Variants in PLD5 observed in about 807,000 individuals in gnomAD.
PLD5 encodes inactive phospholipase D5.
In PLD5, 36 loss-of-function variants were observed where a neutral mutation model predicts 61.1. That is an observed-to-expected ratio of 0.59 (90% CI 0.45 to 0.78). PLD5 has a LOEUF of 0.78. Ranked by LOEUF, PLD5 falls within the 30% of genes least tolerant of loss-of-function variation. The pLI is 0.00. For missense variants in PLD5, 515 were observed against 644.4 expected (o/e 0.80, Z 2.17); for synonymous variants, 243 against 242.8 (o/e 1.00, Z -0.01).
chr1:242,215,970 G>T (rs1423746033), intron 5 of PLD5, among the ~76,000 whole-genome samples: 1 of 152,104 alleles, frequency 6.6e-6, no homozygotes, highest in Non-Finnish European at 1.5e-5. Context: ...AATCTGCCCT[G>T]TTATCTGGGC....
At chr1:242,515,347 G>A (rs537219685) in intron 1 of PLD5, among the ~76,000 whole-genome samples, 3 of 152,246 alleles carry the variant, frequency 2.0e-5, no homozygotes, top group South Asian at 2.1e-4. Flanking sequence ...CAACTAGCTC[G>A]GATTACAGGC....
intron 2 of PLD5, among the ~76,000 whole-genome samples, chr1:242,332,889 G>C (rs569542408): frequency 8.5e-4 from 130 of 152,292 alleles, no homozygotes; most frequent in Admixed American, 1.8e-3. Flanking sequence ...TACTATATCA[G>C]AGGTCAGCTC....
chr1:242,484,249 C>CA (rs1268332084), intron 1 of PLD5, among the ~76,000 whole-genome samples: 22 of 152,122 alleles, frequency 1.4e-4, no homozygotes, highest in African/African-American at 5.3e-4. Flanking sequence ...AAAAACCCTT[C>CA]AAAAAATCAA....
At chr1:242,219,189 A>AC (rs937655371) in intron 5 of PLD5, among the ~76,000 whole-genome samples, 9 of 152,348 alleles carry the variant, frequency 5.9e-5, no homozygotes, top group African/African-American at 2.2e-4. Context: ...ACTGAGGTAG[A>AC]CCAAGAAAAA....
intron 2 of PLD5, among the ~76,000 whole-genome samples, chr1:242,345,121 G>T (rs1408446535): frequency 6.6e-6 from 1 of 152,152 alleles, no homozygotes; most frequent in African/African-American, 2.4e-5. Context: ...TACAAGTTGA[G>T]ATTTGAATGG....
intron 3 of PLD5, among the ~76,000 whole-genome samples, chr1:242,282,231 G>A (rs1178130049): frequency 6.6e-6 from 1 of 152,148 alleles, no homozygotes; most frequent in Non-Finnish European, 1.5e-5. Flanking sequence ...TATGAGGCAG[G>A]TTCTGTTATC....
chr1:242,433,644 G>T (rs1665841370), intron 1 of PLD5, among the ~76,000 whole-genome samples: 1 of 152,176 alleles, frequency 6.6e-6, no homozygotes, highest in Non-Finnish European at 1.5e-5. Context: ...AGAAGCTAAT[G>T]CTTAGTAGAG....
intron 1 of PLD5, among the ~76,000 whole-genome samples, chr1:242,409,625 G>A (rs1244241190): frequency 6.6e-6 from 1 of 152,164 alleles, no homozygotes; most frequent in Non-Finnish European, 1.5e-5. Flanking sequence ...GGGAAGGACA[G>A]GGGGCTCCAA....
intron 5 of PLD5, among the ~76,000 whole-genome samples, chr1:242,186,151 G>T (rs1667862515): frequency 6.7e-6 from 1 of 149,006 alleles, no homozygotes; most frequent in Admixed American, 6.8e-5. Context: ...TCTGAATTCT[G>T]TAAGGAATGA....
chr1:242,479,909 G>A (rs1454329032), intron 1 of PLD5, among the ~76,000 whole-genome samples: 2 of 151,870 alleles, frequency 1.3e-5, no homozygotes, highest in Admixed American at 6.6e-5. Flanking sequence ...AAATTCACCA[G>A]GCATGTTGGT....
intron 5 of PLD5, chr1:242,147,521 T>A (rs1664624509): frequency 6.6e-6 from 1 of 152,190 alleles, no homozygotes; most frequent in Admixed American, 6.5e-5. Flanking sequence ...TTCACTTGAG[T>A]AAATGCAAAG....
chr1:242,151,450 GT>G (rs1034867634), intron 5 of PLD5, among the ~76,000 whole-genome samples: 2 of 151,906 alleles, frequency 1.3e-5, no homozygotes, highest in Non-Finnish European at 2.9e-5. Context: ...TGGACACGGA[GT>G]TTTTTCCCCC....
At chr1:242,419,372 C>T (rs1228781724) in intron 1 of PLD5, among the ~76,000 whole-genome samples, 1 of 149,254 alleles carries the variant, frequency 6.7e-6, no homozygotes, top group Non-Finnish European at 1.5e-5. Flanking sequence ...AAGCTGAGTG[C>T]AGTCCTGATT....
At position 242,524,391 on chromosome 1, in the gene PLD5, T is replaced by TGAGCTGGAG; in HGVS notation, c.-124_-116dup. 8.5e-6 allele frequency: 9 copies of TGAGCTGGAG among 1,056,652 alleles called. No individual in the cohort carries two copies. Among genetic ancestry groups the TGAGCTGGAG allele is most frequent in the Admixed American group, 4.3e-5 (1 of 23,508 alleles). The allele number at this position is 1,056,652 out of a possible 1,614,324, so 65.5% of individuals were successfully genotyped here. Reference sequence around the variant, plus strand: ...GGGAGCCGGAGGTGGAGCTGGAGACTGAGCTGGAGGAGCTGGAGGAGCGAG... The same window carrying TGAGCTGGAG: ...GGGAGCCGGAGGTGGAGCTGGAGACTGAGCTGGAGGAGCTGGAGGAGCTGGAGGAGCGAG... On this transcript the variant is annotated 5_prime_UTR_variant, in exon 1 of 10. Transcript: ENST00000536534.
rs71650683 is a variant in PLD5 at position 242,282,640 on chromosome 1, G to T, written c.495+5722C>A. On this transcript the variant is annotated intron_variant, in intron 3 of 9. Coordinates refer to ENST00000536534, the MANE Select transcript of PLD5 (RefSeq NM_001372062.1). ...TTGCAGCTCATTAATTATTTTATAG[G>T]TTCCTCACAGTGAATTCATAGAGTG... Among the ~76,000 whole-genome samples, 7 of 151,410 alleles carry T rather than the reference G, an allele frequency of 4.6e-5. No homozygotes were observed. In the East Asian group the frequency reaches 5.8e-4, roughly 13 times the overall value.
intron 1 of PLD5, among the ~76,000 whole-genome samples, chr1:242,387,944 A>G (rs1029170210): frequency 2.0e-5 from 3 of 152,162 alleles, no homozygotes; most frequent in African/African-American, 7.2e-5. Flanking sequence ...ACTGCCACAA[A>G]AGATCCCACA....
intron 1 of PLD5, among the ~76,000 whole-genome samples, chr1:242,444,303 C>T (rs1306353649): frequency 6.6e-6 from 1 of 152,108 alleles, no homozygotes; most frequent in Non-Finnish European, 1.5e-5. Flanking sequence ...TAGATCCACC[C>T]TATTAATAAA....
intron 2 of PLD5, among the ~76,000 whole-genome samples, chr1:242,326,125 C>G (rs562189694): frequency 2.3e-5 from 2 of 87,022 alleles, no homozygotes; most frequent in Non-Finnish European, 4.7e-5. Flanking sequence ...GATCCTCCCC[C>G]CTCCCTCCCA....
At chr1:242,449,530 A>G in intron 1 of PLD5, 1 of 1,474,246 alleles carries the variant, frequency 6.8e-7, no homozygotes, top group Non-Finnish European at 8.9e-7. Flanking sequence ...TGCTTTGGAA[A>G]TCAGCCAAAC....
Sources: gnomAD v4.1 joint callset for allele counts (sites outside exome capture counted in the v4.1 genomes callset) on GRCh38, gnomAD v4.1.1 for gene constraint, MANE v1.5 for transcripts, NCBI Gene and HGNC (gene_info 2026-07-23, HGNC 2026-07-21) for gene names.